The following COL5A1 variants were observed in gnomAD, a reference collection of about 807,000 sequenced individuals.
The protein encoded by COL5A1 is collagen type V alpha 1 chain, also known as collagen alpha-1(V) chain.
In COL5A1, 16 loss-of-function variants were observed where a neutral mutation model predicts 263.7. The observed-to-expected ratio is 0.06, with a 90% CI of 0.04 to 0.09. COL5A1 has a LOEUF of 0.09. Among genes scored for constraint, COL5A1 ranks in the 10% least tolerant of loss-of-function variants. The pLI, the probability that COL5A1 is intolerant of heterozygous loss-of-function variation, is 1.00. For synonymous variants in COL5A1, 1,012 were observed against 1,004.5 expected (o/e 1.01, Z -0.14); for missense variants, 2,036 against 2,540.5 (o/e 0.80, Z 4.27).
chr9:134,828,670 A>C (rs147428111), intron 63 of COL5A1, among the ~76,000 whole-genome samples: 7 of 422 alleles, frequency 0.017, no homozygotes, highest in South Asian at 0.062. Context: ...ACACACCCAT[A>C]ATGCGCCATA....
At chr9:134,727,172 CT>C (rs1331416046) in intron 4 of COL5A1, 93 bp from the exon 5 acceptor site, 4 of 1,378,324 alleles carry the variant, frequency 2.9e-6, no homozygotes, top group Admixed American at 1.7e-5. Flanking sequence ...TTGGTCTGGA[CT>C]TTCCCCTGCT....
chr9:134,701,536 G>T (rs569112349), intron 4 of COL5A1, among the ~76,000 whole-genome samples: 1 of 152,226 alleles, frequency 6.6e-6, no homozygotes, highest in Non-Finnish European at 1.5e-5. Flanking sequence ...AGCTGCTGCC[G>T]CCTGTAGGCC....
At position 134,677,918 on chromosome 9, in the gene COL5A1, G is replaced by C. The variant is rs1005438786; in HGVS notation, c.110-12994G>C. Among the ~76,000 whole-genome samples the C allele has an allele frequency of 6.6e-6, 1 of 152,192 alleles. No homozygotes were observed. The highest frequency in any genetic ancestry group is 2.4e-5 in the African/African-American group (1 of 41,436). On this transcript the variant is annotated intron_variant, in intron 1 of 65. Coordinates refer to ENST00000371817, the MANE Select transcript of COL5A1 (RefSeq NM_000093.5). The surrounding 1 kb of genome is among the most constrained non-coding windows in gnomAD (Gnocchi z 4.4). ...GCCTGGCCCTTGTTCCACCGCTGGGGGTCTCAAGATTCTCTGTCGCCCCAT... is the reference window on the plus strand; with the variant it reads ...GCCTGGCCCTTGTTCCACCGCTGGGCGTCTCAAGATTCTCTGTCGCCCCAT...
At chr9:134,839,211 A>G (rs2132936207) in intron 65 of COL5A1, among the ~76,000 whole-genome samples, 1 of 152,340 alleles carries the variant, frequency 6.6e-6, no homozygotes, top group East Asian at 1.9e-4. Flanking sequence ...ATCACCTGCA[A>G]GAGGGCCCAG....
At chr9:134,689,225 A>G (rs1833185547) in intron 1 of COL5A1, among the ~76,000 whole-genome samples, 1 of 152,054 alleles carries the variant, frequency 6.6e-6, no homozygotes, top group African/African-American at 2.4e-5. Flanking sequence ...GTCCTTGAAA[A>G]CCAGCAGAGA....
At chr9:134,795,680 G>A (rs997298422) in intron 34 of COL5A1, among the ~76,000 whole-genome samples, 1 of 152,212 alleles carries the variant, frequency 6.6e-6, no homozygotes, top group African/African-American at 2.4e-5. Flanking sequence ...AGCTGCAGAG[G>A]CCTCTACCAG....
At chr9:134,803,239 C>G (rs1277411171) in intron 39 of COL5A1, among the ~76,000 whole-genome samples, 1 of 152,188 alleles carries the variant, frequency 6.6e-6, no homozygotes, top group African/African-American at 2.4e-5. Flanking sequence ...CCTCCACCCT[C>G]TGCTCTCTCC....
rs1337115432 is a variant in COL5A1, at chr9:134,786,010, C to T, written c.2608C>T (p.Pro870Ser). The T allele has an allele frequency of 1.2e-6, 2 of 1,613,208 alleles. No homozygotes were observed. The highest frequency in any genetic ancestry group is 8.5e-7 in the Non-Finnish European group (1 of 1,179,760). Residue 870 changes from proline (P) to serine (S), a missense_variant, in exon 31 of 66, where the codon CCA (proline) becomes TCA (serine). Coordinates refer to ENST00000371817, the MANE Select transcript of COL5A1 (RefSeq NM_000093.5). Reference protein sequence around the residue: ...PPGEKGKLGVPGLPGYPGRQG... With the variant: ...PPGEKGKLGVSGLPGYPGRQG... ...CTTCCCCCAGGGAAAACTCGGAGTC[C>T]CAGGGTTACCAGGGTATCCAGGAAG...
At position 134,738,951 on chromosome 9, in the gene COL5A1, C is replaced by T. The variant is rs937997020; in HGVS notation, c.1494+143C>T. ...TCAAATCCCCCCTCACCCAGGCACT[C>T]CTCACACCAGCCCCGTTCAGATGTT... On this transcript the variant is annotated intron_variant, in intron 11 of 65. Transcript: ENST00000371817. 4.2e-6 allele frequency: 3 copies of T among 722,228 alleles called. No individual in the cohort carries two copies. In the South Asian group the frequency reaches 4.8e-5, roughly 12 times the overall value. The allele number at this position is 722,228 out of a possible 1,614,324, so 44.7% of individuals were successfully genotyped here. A position where few individuals can be genotyped will look rare whatever the true frequency, so the allele number is the denominator to read the frequency against.
At chr9:134,786,612 T>C (rs1028268633) in intron 31 of COL5A1, among the ~76,000 whole-genome samples, 1 of 152,192 alleles carries the variant, frequency 6.6e-6, no homozygotes, top group Non-Finnish European at 1.5e-5. Context: ...TAATGGAGTA[T>C]AAAAGAAAAA....
chr9:134,699,858 G>T, intron 2 of COL5A1, 51 bp from the exon 3 acceptor site: 1 of 1,568,710 alleles, frequency 6.4e-7, no homozygotes. Context: ...ATGGCTGGGT[G>T]TGGTTGCAGG....
chr9:134,765,151 C>A lies in COL5A1; in HGVS notation c.2035-530C>A, dbSNP rs1485181463. ...AGCGTCCTGGAAAAGATCTGTACCC[C>A]ACGCCTCCTTCTGCACATTCAGTCT... On this transcript the variant is annotated intron_variant, in intron 20 of 65. Transcript: ENST00000371817. The surrounding 1 kb of genome is among the most constrained non-coding windows in gnomAD (Gnocchi z 5.1). 1.3e-5 allele frequency among the ~76,000 whole-genome samples: 2 copies of A among 152,176 alleles called. No homozygotes were observed. Among genetic ancestry groups the A allele is most frequent in the African/African-American group, 4.8e-5 (2 of 41,446 alleles).
At chr9:134,684,482 G>C (rs1417472226) in intron 1 of COL5A1, among the ~76,000 whole-genome samples, 1 of 152,246 alleles carries the variant, frequency 6.6e-6, no homozygotes, top group Non-Finnish European at 1.5e-5. Context: ...TGCCTCACCA[G>C]CTCAGTTTCA....
At chr9:134,690,697 G>A (rs1052706189) in intron 1 of COL5A1, among the ~76,000 whole-genome samples, 2 of 152,146 alleles carry the variant, frequency 1.3e-5, no homozygotes, top group Non-Finnish European at 2.9e-5. Context: ...CCCCCGGTAT[G>A]TGGCTGCTGG....
chr9:134,760,264 G>GC (rs1836296621), intron 18 of COL5A1, among the ~76,000 whole-genome samples: 1 of 43,128 alleles, frequency 2.3e-5, no homozygotes. Flanking sequence ...ACCCCACACT[G>GC]ATACACACAT....
intron 4 of COL5A1, among the ~76,000 whole-genome samples, chr9:134,713,620 G>T (rs934227654): frequency 6.6e-6 from 1 of 152,218 alleles, no homozygotes; most frequent in Non-Finnish European, 1.5e-5. Flanking sequence ...TTGTACAAGC[G>T]CAGGGCCAGG....
At chr9:134,711,205 C>T (rs1284716857) in intron 4 of COL5A1, among the ~76,000 whole-genome samples, 3 of 152,028 alleles carry the variant, frequency 2.0e-5, no homozygotes, top group African/African-American at 7.3e-5. Flanking sequence ...GCTCGGAGGC[C>T]AGGTTGGCTC....
intron 64 of COL5A1, among the ~76,000 whole-genome samples, chr9:134,833,776 T>G (rs1839743231): frequency 6.6e-6 from 1 of 152,182 alleles, no homozygotes; most frequent in Admixed American, 6.5e-5. Context: ...GGCCAGGGCC[T>G]TGTACATCCT....
At chr9:134,816,406 C>G (rs1480528941) in intron 52 of COL5A1, among the ~76,000 whole-genome samples, 1 of 152,250 alleles carries the variant, frequency 6.6e-6, no homozygotes, top group Non-Finnish European at 1.5e-5. Flanking sequence ...GTGTTTTAAA[C>G]ACCGCTTCAA....
Sources: gnomAD v4.1 joint callset for allele counts (sites outside exome capture counted in the v4.1 genomes callset) on GRCh38, gnomAD v4.1.1 for gene constraint, Gnocchi (gnomAD v3.1) non-coding constraint, MANE v1.5 for transcripts, NCBI Gene and HGNC (gene_info 2026-07-23, HGNC 2026-07-21) for gene names.